PHF19: variants seen among roughly 807,000 people sequenced by gnomAD.
PHF19 encodes the protein PHD finger protein 19.
Under a neutral mutation model 79.8 loss-of-function variants are expected in PHF19, and 21 were observed. That is an observed-to-expected ratio of 0.26 (90% confidence interval 0.19 to 0.38). The LOEUF (loss-of-function observed/expected upper bound fraction) is 0.38. PHF19 is among the 10% of genes least tolerant of loss of function. The probability of loss-of-function intolerance (pLI) is 1.00; values close to 1 mark genes in which losing one functional copy is unlikely to be tolerated. For synonymous variants in PHF19, 273 were observed against 296.3 expected (o/e 0.92, Z 0.81); for missense variants, 445 against 744.2 (o/e 0.60, Z 4.68).
Position 120,869,226 on chromosome 9 carries a change from G to A in PHF19, c.570C>T (p.Arg190=). The change falls in exon 6 of 15, where the codon CGC becomes CGT. Residue 190 remains arginine (R), a synonymous_variant. Transcript: ENST00000373896. The surrounding 1 kb of genome is among the most constrained non-coding windows in gnomAD (Gnocchi z 5.8). The part of the protein sequence containing the change: ...PEELEWDSPH[R]TNQQQCYCYC... ...AGCAGTAGCATTGCTGCTGGTTGGT[G>A]CGATGGGGCGAGTCCCACTCGAGCT... 2 of 1,612,022 alleles carry A rather than the reference G, an allele frequency of 1.2e-6. No homozygotes were observed. The highest frequency in any genetic ancestry group is 1.7e-6 in the Non-Finnish European group (2 of 1,179,390).
At chr9:120,863,816 G>A (rs2045612137) in intron 10 of PHF19, among the ~76,000 whole-genome samples, 2 of 152,222 alleles carry the variant, frequency 1.3e-5, no homozygotes, top group South Asian at 4.1e-4. Context: ...GAGCAGGGGT[G>A]CAGCCCCCCT....
intron 6 of PHF19, among the ~76,000 whole-genome samples, chr9:120,867,379 T>A (rs568518716): frequency 6.6e-6 from 1 of 152,350 alleles, no homozygotes; most frequent in African/African-American, 2.4e-5. Context: ...CACGGGAGAA[T>A]AATGGTTTCT....
intron 14 of PHF19, among the ~76,000 whole-genome samples, chr9:120,858,971 A>G (rs1414258396): frequency 2.0e-5 from 3 of 152,124 alleles, no homozygotes; most frequent in Non-Finnish European, 4.4e-5. Context: ...AGGAAGAAAT[A>G]GGCCAGGCAT....
At chr9:120,878,078 T>A (rs2046117610), upstream of PHF19, among the ~76,000 whole-genome samples, 1 of 152,210 alleles carries the variant, frequency 6.6e-6, no homozygotes, top group South Asian at 2.1e-4. Context: ...ATGCAATTTT[T>A]AAAATACGGG....
chr9:120,886,944 C>G (rs1302712747), intron 1 of PHF19, among the ~76,000 whole-genome samples: 27 of 151,332 alleles, frequency 1.8e-4, no homozygotes, highest in Non-Finnish European at 1.9e-4. Context: ...ATTGCACACA[C>G]CTATACAGCT....
upstream of PHF19, chr9:120,877,222 GGGGGCGGGGC>G: frequency 2.1e-6 from 2 of 967,292 alleles, no homozygotes; most frequent in Non-Finnish European, 2.5e-6. Context: ...GGGTCTCGGC[GGGGGCGGGGC>G]GGGGCGGGGG....
chr9:120,862,773 G>T lies in PHF19; in HGVS notation c.969-24C>A. ...ACCTGGGGGTGGGCAGTGGGAGGAA[G>T]AAGCTCTGGAGTCTGTCAGTCCATC... On this transcript the variant is annotated intron_variant, in intron 10 of 14. Coordinates refer to ENST00000373896, the MANE Select transcript of PHF19 (RefSeq NM_015651.3). This position sits in a 1 kb window ranked among gnomAD's most constrained non-coding sequence, Gnocchi z 4.6. 6.2e-7 allele frequency: 1 copy of T among 1,612,748 alleles called. No individual in the cohort carries two copies. The highest frequency in any genetic ancestry group is 1.1e-5 in the South Asian group (1 of 91,022).
Position 120,866,368 on chromosome 9 carries a change from T to C in PHF19, c.711-272A>G, listed in dbSNP as rs540375007. 8.5e-5 allele frequency among the ~76,000 whole-genome samples: 13 copies of C among 152,282 alleles called. No individual in the cohort carries two copies. Among genetic ancestry groups the C allele is most frequent in the Middle Eastern group, 3.4e-3 (1 of 294 alleles). On this transcript the variant is annotated intron_variant, in intron 7 of 14. Coordinates refer to ENST00000373896, the MANE Select transcript of PHF19 (RefSeq NM_015651.3). This position sits in a 1 kb window ranked among gnomAD's most constrained non-coding sequence, Gnocchi z 5.2. Reference sequence around the variant, plus strand: ...TGAGCTGAGCTAGGCTGGGCTGCCATGGTCACCCTCTTCCCCTCTGAGACA... The same window carrying C: ...TGAGCTGAGCTAGGCTGGGCTGCCACGGTCACCCTCTTCCCCTCTGAGACA...
At chr9:120,871,591 G>A (rs1265464235) in intron 3 of PHF19, among the ~76,000 whole-genome samples, 2 of 152,110 alleles carry the variant, frequency 1.3e-5, no homozygotes, top group Non-Finnish European at 2.9e-5. Flanking sequence ...TAGTCTACAG[G>A]TCCCCTCTCC....
Position 120,870,553 on chromosome 9 carries a change from C to T in PHF19, c.269-15G>A. The T allele has an allele frequency of 6.7e-7, 1 of 1,497,336 alleles. No homozygotes were observed. 92.8% of individuals were successfully genotyped at this position (1,497,336 alleles called of 1,614,324 possible). A position where few individuals can be genotyped will look rare whatever the true frequency, so the allele number is the denominator to read the frequency against. ...TGGAACACCGGCTGAAAGAGAGGGC[C>T]TCGAGGGTCGGGTCCAGCTCACAGG... On this transcript the variant is annotated splice_polypyrimidine_tract_variant and intron_variant, in intron 3 of 14. Transcript: ENST00000373896. The surrounding 1 kb of genome is among the most constrained non-coding windows in gnomAD (Gnocchi z 4.4).
chr9:120,873,881 G>C lies in PHF19; in HGVS notation c.268+98C>G, dbSNP rs2045973529. ...GGTTCATGGTCAAGGGCAGATGCCA[G>C]GAGTAAGAGATGGAAGGACAGAAGG... On this transcript the variant is annotated intron_variant, in intron 3 of 14. Transcript: ENST00000373896. 5.2e-5 allele frequency: 37 copies of C among 706,622 alleles called. No homozygotes were observed. The South Asian group carries it at 6.2e-4, about 12-fold the overall frequency. 43.8% of individuals were successfully genotyped at this position (706,622 alleles called of 1,614,324 possible). A position where few individuals can be genotyped will look rare whatever the true frequency, so the allele number is the denominator to read the frequency against.
chr9:120,871,835 C>T (rs1440641697), intron 3 of PHF19, among the ~76,000 whole-genome samples: 1 of 151,776 alleles, frequency 6.6e-6, no homozygotes, highest in Non-Finnish European at 1.5e-5. Flanking sequence ...GTCACGAGTT[C>T]GAGACCAGCC....
At position 120,862,738 on chromosome 9, in the gene PHF19, C is replaced by A; in HGVS notation, c.980G>T (p.Gly327Val). The change falls in exon 11 of 15, where the codon GGC becomes GTC. Residue 327 changes from glycine (G) to valine (V), a missense_variant. By Grantham distance (109) the Gly-to-Val change is moderately radical (BLOSUM62 -3). Transcript: ENST00000373896. This position sits in a 1 kb window ranked among gnomAD's most constrained non-coding sequence, Gnocchi z 4.6. ...GCACTTCTTCTTCTTGATCTCCTTGCCGCAGAGGAACCTGGGGGTGGGCAG... is the reference window on the plus strand; with the variant it reads ...GCACTTCTTCTTCTTGATCTCCTTGACGCAGAGGAACCTGGGGGTGGGCAG... ...LNSYKSRFLC[G>V]KEIKKKKCIF... The A allele has an allele frequency of 1.2e-6, 2 of 1,614,102 alleles. No homozygotes were observed. The highest frequency in any genetic ancestry group is 1.7e-6 in the Non-Finnish European group (2 of 1,179,990).
upstream of PHF19, among the ~76,000 whole-genome samples, chr9:120,878,984 C>G (rs537775100): frequency 6.6e-6 from 1 of 152,254 alleles, no homozygotes; most frequent in Admixed American, 6.5e-5. Flanking sequence ...GATGATAGAG[C>G]GAAGTGCTCA....
chr9:120,871,797 T>C (rs2045902570), intron 3 of PHF19, among the ~76,000 whole-genome samples: 1 of 152,076 alleles, frequency 6.6e-6, no homozygotes. Flanking sequence ...CCCAGCACTT[T>C]GGGAGGCCGA....
chr9:120,869,034 GC>G lies in PHF19; in HGVS notation c.614+147del. The G allele has an allele frequency of 1.5e-6, 1 of 659,306 alleles. No individual in the cohort carries two copies. Among genetic ancestry groups the G allele is most frequent in the Non-Finnish European group, 2.0e-6 (1 of 489,766 alleles). 40.8% of individuals were successfully genotyped at this position (659,306 alleles called of 1,614,324 possible). A position where few individuals can be genotyped will look rare whatever the true frequency, so the allele number is the denominator to read the frequency against. On this transcript the variant is annotated intron_variant, in intron 6 of 14. Coordinates refer to ENST00000373896, the MANE Select transcript of PHF19 (RefSeq NM_015651.3). This position sits in a 1 kb window ranked among gnomAD's most constrained non-coding sequence, Gnocchi z 5.8. The stretch of plus-strand genomic sequence containing the variant: ...TGACACTCCAGGCCCGCCCCTCGAG[GC>G]CCCGCCCCCACAGCGCAACACACTG...
intron 1 of PHF19, among the ~76,000 whole-genome samples, chr9:120,885,329 T>C (rs10739576): frequency 0.69 from 104,253 of 151,884 alleles, 36,028 homozygotes; most frequent in Middle Eastern, 0.8. Context: ...CCTGTAATCC[T>C]AGCACTTTGG....
chr9:120,861,497 A>C (rs1270757969), intron 12 of PHF19, among the ~76,000 whole-genome samples: 2 of 152,202 alleles, frequency 1.3e-5, no homozygotes, highest in African/African-American at 4.8e-5. Flanking sequence ...CTAAACCGCA[A>C]AGTGCTGGGA....
chr9:120,875,204 G>A (rs1199661360), intron 1 of PHF19, among the ~76,000 whole-genome samples: 1 of 152,150 alleles, frequency 6.6e-6, no homozygotes, highest in African/African-American at 2.4e-5. Flanking sequence ...TCCCTAACCT[G>A]AGATCTGTCC....
Sources: gnomAD v4.1 joint callset for allele counts (sites outside exome capture counted in the v4.1 genomes callset) on GRCh38, gnomAD v4.1.1 for gene constraint, Gnocchi (gnomAD v3.1) non-coding constraint, MANE v1.5 for transcripts, NCBI Gene and HGNC (gene_info 2026-07-23, HGNC 2026-07-21) for gene names.